THSD7B: variants seen among roughly 807,000 people sequenced by gnomAD.
The protein encoded by THSD7B is thrombospondin type 1 domain containing 7B.
In THSD7B, 138 loss-of-function variants were observed where a neutral mutation model predicts 213.6. That is an observed-to-expected ratio of 0.65 (90% CI 0.56 to 0.74). The LOEUF (loss-of-function observed/expected upper bound fraction) is 0.74, where lower values mean the gene tolerates loss of function less well. THSD7B is among the 30% of genes least tolerant of loss of function. The probability of loss-of-function intolerance (pLI) is 0.00; values close to 1 mark genes in which losing one functional copy is unlikely to be tolerated. For missense variants in THSD7B, 1,931 were observed against 1,991.5 expected, an observed-to-expected ratio of 0.97 and a Z score of 0.58; for synonymous variants, 742 against 687.0, an observed-to-expected ratio of 1.08 and a Z score of -1.25.
chr2:137,434,096 A>G (rs1470765400), intron 14 of THSD7B, among the ~76,000 whole-genome samples: 1 of 152,212 alleles, frequency 6.6e-6, no homozygotes, highest in Non-Finnish European at 1.5e-5. Context: ...GTTGGACAAA[A>G]TAAGACCAAG....
At chr2:137,571,214 G>A (rs867719511) in intron 16 of THSD7B, among the ~76,000 whole-genome samples, 26 of 152,244 alleles carry the variant, frequency 1.7e-4, no homozygotes, top group African/African-American at 5.3e-4. Flanking sequence ...AGGATCATAT[G>A]TACTCTTTTG....
chr2:137,572,694 A>C, intron 17 of THSD7B, 138 bp downstream of exon 17: 1 of 1,167,554 alleles, frequency 8.6e-7, no homozygotes, highest in Non-Finnish European at 1.2e-6. Context: ...TGAGAAATCC[A>C]AAGAAAGAAA....
chr2:137,197,092 A>G (rs549079392), intron 7 of THSD7B, among the ~76,000 whole-genome samples: 3 of 152,342 alleles, frequency 2.0e-5, no homozygotes, highest in South Asian at 2.1e-4. Flanking sequence ...CATTGTACAA[A>G]ATAACTTCAA....
chr2:137,523,613 T>C (rs1680226451), intron 15 of THSD7B, among the ~76,000 whole-genome samples: 1 of 152,198 alleles, frequency 6.6e-6, no homozygotes. Flanking sequence ...GTCTGCCCAA[T>C]AGCCATTCTT....
chr2:136,803,173 A>G (rs1366369582), intron 1 of THSD7B, among the ~76,000 whole-genome samples: 1 of 152,098 alleles, frequency 6.6e-6, no homozygotes, highest in African/African-American at 2.4e-5. Flanking sequence ...ACACATGCAC[A>G]TATATATAAG....
chr2:136,834,760 T>C (rs1682817474), intron 1 of THSD7B, among the ~76,000 whole-genome samples: 1 of 152,214 alleles, frequency 6.6e-6, no homozygotes, highest in African/African-American at 2.4e-5. Flanking sequence ...CAGTTAGCAC[T>C]GTTTGGACAG....
intron 14 of THSD7B, among the ~76,000 whole-genome samples, chr2:137,416,438 G>A (rs1455815594): frequency 2.6e-5 from 4 of 152,080 alleles, no homozygotes; most frequent in East Asian, 1.9e-4. Flanking sequence ...CCTTTCTTCC[G>A]CTCTTGTGTT....
chr2:137,198,099 A>G (rs1168733631), intron 7 of THSD7B, among the ~76,000 whole-genome samples: 7 of 152,096 alleles, frequency 4.6e-5, no homozygotes, highest in Admixed American at 2.0e-4. Context: ...TCAAATTTTC[A>G]TTACATCTTT....
At chr2:137,032,285 T>C (rs1686690618) in intron 2 of THSD7B, among the ~76,000 whole-genome samples, 1 of 152,180 alleles carries the variant, frequency 6.6e-6, no homozygotes. Flanking sequence ...AGGTCTTGTC[T>C]GGTACATAGA....
chr2:137,664,722 G>C (rs76694688), intron 26 of THSD7B, among the ~76,000 whole-genome samples: 3,843 of 152,250 alleles, frequency 0.025, 139 homozygotes, highest in African/African-American at 0.086. Context: ...TTTAAAGGCA[G>C]ATCTTTTAGG....
intron 12 of THSD7B, among the ~76,000 whole-genome samples, chr2:137,313,135 G>A (rs1352874228): frequency 4.6e-5 from 7 of 152,022 alleles, no homozygotes; most frequent in Non-Finnish European, 1.0e-4. Flanking sequence ...TTAATATGTG[G>A]GAGACTAAGT....
chr2:137,152,614 G>T (rs1188518109), intron 5 of THSD7B, among the ~76,000 whole-genome samples: 1 of 152,174 alleles, frequency 6.6e-6, no homozygotes, highest in African/African-American at 2.4e-5. Flanking sequence ...AGCACCTAGA[G>T]CCAAGTGGGT....
chr2:136,897,447 G>T (rs1485982768), intron 2 of THSD7B, among the ~76,000 whole-genome samples: 7 of 118,442 alleles, frequency 5.9e-5, no homozygotes, highest in African/African-American at 1.6e-4. Context: ...GGAGTTGTTT[G>T]TTCCTTCCAG....
chr2:137,433,002 C>A (rs1178421129), intron 14 of THSD7B, among the ~76,000 whole-genome samples: 1 of 152,112 alleles, frequency 6.6e-6, no homozygotes, highest in East Asian at 1.9e-4. Context: ...TTATTTAATA[C>A]CTTCTAGATG....
chr2:136,951,400 ACT>A (rs1258594533), intron 2 of THSD7B, among the ~76,000 whole-genome samples: 2 of 152,036 alleles, frequency 1.3e-5, no homozygotes, highest in East Asian at 1.9e-4. Context: ...AATGTAGCAA[ACT>A]CTGTTGAATC....
At chr2:137,075,929 C>A (rs972181846) in intron 3 of THSD7B, among the ~76,000 whole-genome samples, 3 of 152,138 alleles carry the variant, frequency 2.0e-5, no homozygotes, top group Admixed American at 1.3e-4. Context: ...ATGCTGCTGC[C>A]TGATTGTTCC....
At chr2:137,228,070 G>A (rs1313812106) in intron 7 of THSD7B, among the ~76,000 whole-genome samples, 1 of 151,456 alleles carries the variant, frequency 6.6e-6, no homozygotes, top group East Asian at 1.9e-4. Context: ...ACTAAATGTT[G>A]GTAGCTACAA....
intron 10 of THSD7B, among the ~76,000 whole-genome samples, chr2:137,266,316 A>C (rs1682588925): frequency 6.6e-6 from 1 of 152,198 alleles, no homozygotes; most frequent in African/African-American, 2.4e-5. Context: ...AATAACCTAA[A>C]GTCTAACAGG....
At chr2:137,562,265 G>A (rs1213090731) in intron 15 of THSD7B, among the ~76,000 whole-genome samples, 1 of 152,088 alleles carries the variant, frequency 6.6e-6, no homozygotes, top group African/African-American at 2.4e-5. Flanking sequence ...AACTACATTG[G>A]TGATAGGTGG....
Sources: gnomAD v4.1 joint callset for allele counts (sites outside exome capture counted in the v4.1 genomes callset) on GRCh38, gnomAD v4.1.1 for gene constraint, MANE v1.5 for transcripts, NCBI Gene and HGNC (gene_info 2026-07-23, HGNC 2026-07-21) for gene names.